The following KDM2B variants were observed in gnomAD, a reference collection of about 807,000 sequenced individuals.
The protein encoded by KDM2B is lysine demethylase 2B, also known as lysine-specific demethylase 2B.
KDM2B carries 26 observed loss-of-function variants against 150.0 expected under a neutral mutation model. The observed-to-expected ratio is 0.17, with a 90% CI of 0.13 to 0.24. The LOEUF is 0.24. Ranked by LOEUF, KDM2B falls within the 10% of genes least tolerant of loss-of-function variation. The pLI is 1.00. For synonymous variants in KDM2B, 734 were observed against 729.5 expected, an observed-to-expected ratio of 1.01 and a Z score of -0.10; for missense variants, 1,265 against 1,816.9, an observed-to-expected ratio of 0.70 and a Z score of 5.52.
chr12:121,456,651 C>A (rs1215450913), intron 12 of KDM2B, among the ~76,000 whole-genome samples: 1 of 152,176 alleles, frequency 6.6e-6, no homozygotes, highest in Non-Finnish European at 1.5e-5. Context: ...GGCCTCCCTG[C>A]CCCGAGGACA....
intron 12 of KDM2B, among the ~76,000 whole-genome samples, chr12:121,479,466 C>CA (rs368195967): frequency 0.67 from 94,128 of 139,510 alleles, 31,292 homozygotes; most frequent in African/African-American, 0.75. Flanking sequence ...GACCCTGTCT[C>CA]AAAAAAAAAA....
At chr12:121,552,449 G>A (rs782444753) in intron 4 of KDM2B, among the ~76,000 whole-genome samples, 1 of 152,104 alleles carries the variant, frequency 6.6e-6, no homozygotes, top group Non-Finnish European at 1.5e-5. Context: ...GAGATGGGTG[G>A]ATCACCTGAG....
intron 13 of KDM2B, among the ~76,000 whole-genome samples, chr12:121,447,688 G>A (rs1211738464): frequency 1.3e-5 from 2 of 151,798 alleles, no homozygotes; most frequent in Admixed American, 6.6e-5. Context: ...TGTTGAGACG[G>A]TGTCTTGCTC....
intron 9 of KDM2B, chr12:121,516,967 T>A (rs1432565160): frequency 1.6e-6 from 1 of 626,372 alleles, no homozygotes; most frequent in Non-Finnish European, 2.8e-6. Flanking sequence ...ATAGATTCAG[T>A]GGCTGTAAGG....
intron 11 of KDM2B, among the ~76,000 whole-genome samples, chr12:121,502,867 G>A (rs1555302286): frequency 6.6e-6 from 1 of 151,458 alleles, no homozygotes. Context: ...CGAGGCTATG[G>A]AGAGCTGTTA....
rs1555288049 is a variant in KDM2B, at chr12:121,440,946, T to C, written c.3480A>G (p.Ser1160=). The C allele has an allele frequency of 3.7e-6, 6 of 1,614,022 alleles. No homozygotes were observed. The highest frequency in any genetic ancestry group is 3.3e-5 in the South Asian group (3 of 91,070). The change falls in exon 21 of 23, where the codon TCA becomes TCG. Residue 1160 remains serine, a synonymous_variant. Coordinates refer to ENST00000377071, the MANE Select transcript of KDM2B (RefSeq NM_032590.5). ...GLRDLVLSGC[S]WIAVSALCSS... ...TGCAAAGGGCCGAGACCGCGATCCA[T>C]GAGCAGCCTGACAGCACCAAGTCCC... is the stretch of plus-strand genomic sequence containing the variant.
chr12:121,527,526 C>A (rs1168379253), intron 8 of KDM2B, among the ~76,000 whole-genome samples: 1 of 150,286 alleles, frequency 6.7e-6, no homozygotes. Context: ...TGGTGGCAGG[C>A]GCCTGTAGTC....
chr12:121,410,299 G>A, the KDM2B span, among the ~76,000 whole-genome samples: 1 of 152,142 alleles, frequency 6.6e-6, no homozygotes, highest in Non-Finnish European at 1.5e-5. Context: ...AGCTCTTTGG[G>A]AGGCTGAGGC....
At chr12:121,415,840 C>CTTTTTTT in the KDM2B span, among the ~76,000 whole-genome samples, 6 of 108,090 alleles carry the variant, frequency 5.6e-5, no homozygotes, top group Non-Finnish European at 7.2e-5. Flanking sequence ...TTTGTCCAGT[C>CTTTTTTT]TTTTTTTTTT....
At chr12:121,580,414 G>A (rs1358211608) in intron 1 of KDM2B, 3 of 1,158,330 alleles carry the variant, frequency 2.6e-6, no homozygotes, top group Non-Finnish European at 3.2e-6. Context: ...GAGCCCGGGA[G>A]GCACCGGGCG....
At chr12:121,422,596 G>A in the KDM2B span, among the ~76,000 whole-genome samples, 1 of 152,222 alleles carries the variant, frequency 6.6e-6, no homozygotes, top group South Asian at 2.1e-4. Context: ...TAAATCTAGA[G>A]ACTACTGACC....
chr12:121,442,935 T>G lies in KDM2B; in HGVS notation c.2604+57A>C. On this transcript the variant is annotated intron_variant, in intron 18 of 22. Coordinates refer to ENST00000377071, the MANE Select transcript of KDM2B (RefSeq NM_032590.5). The surrounding 1 kb of genome is among the most constrained non-coding windows in gnomAD (Gnocchi z 7.7). ...GCCACGGGACTGTGGCCCAGGGAGC[T>G]GCGGTGCAGCTCTAACCGCTCAGGC... 1 of 1,602,212 alleles carries G rather than the reference T, an allele frequency of 6.2e-7. No homozygotes were observed. Among genetic ancestry groups the G allele is most frequent in the South Asian group, 1.1e-5 (1 of 89,770 alleles).
intron 1 of KDM2B, chr12:121,580,336 T>TG (rs1226315945): frequency 8.0e-5 from 70 of 875,338 alleles, no homozygotes; most frequent in Non-Finnish European, 8.7e-5. Flanking sequence ...CCGGGCTATT[T>TG]GGGGGGGCTC....
rs1886601967 is a variant in KDM2B at position 121,520,625 on chromosome 12, A to G, written c.1047+360T>C. The stretch of plus-strand genomic sequence containing the variant: ...CTTCCAAGGTCCACACCCATCCTCC[A>G]AACAACAGCGACCAAATCCCCCTAA... On this transcript the variant is annotated intron_variant, in intron 9 of 22. Transcript: ENST00000377071. This position sits in a 1 kb window ranked among gnomAD's most constrained non-coding sequence, Gnocchi z 4.5. Among the ~76,000 whole-genome samples, 1 of 152,072 alleles carries G rather than the reference A, an allele frequency of 6.6e-6. No homozygotes were observed. The highest frequency in any genetic ancestry group is 1.9e-4 in the East Asian group (1 of 5,176).
chr12:121,559,083 C>T (rs1041754729), intron 4 of KDM2B, among the ~76,000 whole-genome samples: 1 of 152,208 alleles, frequency 6.6e-6, no homozygotes, highest in Non-Finnish European at 1.5e-5. Context: ...CCTGCTCCGC[C>T]CTCTGATGCA....
rs1273762897 is a variant in KDM2B at position 121,567,449 on chromosome 12, A to G, written c.397+7098T>C. Among the ~76,000 whole-genome samples the G allele has an allele frequency of 4.6e-5, 7 of 152,314 alleles. No homozygotes were observed. In the East Asian group the frequency reaches 1.3e-3, roughly 29 times the overall value. On this transcript the variant is annotated intron_variant, in intron 4 of 22. Transcript: ENST00000377071. ...AGGGGCTGGGCACTGTGGCTCACGC[A>G]TGCAATTGCAGCACTTCGCGATGGC...
chr12:121,521,717 T>G lies in KDM2B; in HGVS notation c.932-617A>C, dbSNP rs1555305979. ...CCCTCCACTCTGCCCCACAGGCTGC[T>G]GGTAAGTCTCTCCTGCAGCTTCTCA... On this transcript the variant is annotated intron_variant, in intron 8 of 22. Transcript: ENST00000377071. This position sits in a 1 kb window ranked among gnomAD's most constrained non-coding sequence, Gnocchi z 4.9. Among the ~76,000 whole-genome samples the G allele has an allele frequency of 6.6e-6, 1 of 152,172 alleles. No homozygotes were observed. Among genetic ancestry groups the G allele is most frequent in the Non-Finnish European group, 1.5e-5 (1 of 68,032 alleles).
At chr12:121,438,127 G>A (rs1400024585) in intron 22 of KDM2B, among the ~76,000 whole-genome samples, 2 of 151,768 alleles carry the variant, frequency 1.3e-5, no homozygotes, top group African/African-American at 2.4e-5. Context: ...GGTGGCAGGC[G>A]CCTGTAATCA....
chr12:121,419,898 C>T, the KDM2B span: 2 of 179,878 alleles, frequency 1.1e-5, no homozygotes, highest in South Asian at 2.5e-4. Flanking sequence ...TCCAGTTAAA[C>T]TAGCCATTTG....
Sources: allele counts gnomAD v4.1 joint callset (sites outside exome capture counted in the v4.1 genomes callset), GRCh38; gene constraint gnomAD v4.1.1; non-coding constraint Gnocchi (gnomAD v3.1); transcripts MANE v1.5; gene names NCBI Gene and HGNC (gene_info 2026-07-23, HGNC 2026-07-21).